ABAT: variants seen among roughly 807,000 people sequenced by gnomAD.
The protein encoded by ABAT is 4-aminobutyrate aminotransferase, mitochondrial.
In ABAT, 45 loss-of-function variants were observed where a neutral mutation model predicts 64.6. The ratio of observed to expected loss-of-function variants is 0.70; its 90% CI spans 0.55 to 0.89. ABAT has a LOEUF of 0.89. ABAT is among the 40% of genes least tolerant of loss of function. The pLI, the probability that ABAT is intolerant of heterozygous loss-of-function variation, is 0.00. For missense variants in ABAT, 633 were observed against 658.4 expected, an observed-to-expected ratio of 0.96 and a Z score of 0.42; for synonymous variants, 297 against 250.5, an observed-to-expected ratio of 1.19 and a Z score of -1.75.
intron 1 of ABAT, among the ~76,000 whole-genome samples, chr16:8,699,907 G>C (rs1163373780): frequency 6.6e-6 from 1 of 152,066 alleles, no homozygotes; most frequent in Non-Finnish European, 1.5e-5. Flanking sequence ...TCGACCTCTT[G>C]GGCTCAGGTG....
At position 8,772,675 on chromosome 16, in the gene ABAT, A is replaced by G. The variant is rs939207779; in HGVS notation, c.817-105A>G. ...GGTCTTAGGAAATGCACACAAACAC[A>G]TTTCCAATAAAATTGCATGGGGCTC... On this transcript the variant is annotated intron_variant, in intron 11 of 15. Transcript: ENST00000268251. The G allele has an allele frequency of 5.4e-6, 8 of 1,490,230 alleles. No individual in the cohort carries two copies. The African/African-American group carries it at 1.1e-4, about 21-fold the overall frequency. The allele number at this position is 1,490,230 out of a possible 1,614,324, so 92.3% of individuals were successfully genotyped here.
intron 6 of ABAT, 125 bp from the exon 7 acceptor site, chr16:8,763,944 A>AC (rs1440676702): frequency 1.6e-5 from 13 of 802,668 alleles, no homozygotes; most frequent in Non-Finnish European, 2.6e-5. Flanking sequence ...CGCTGACAGA[A>AC]CGTCATCATC....
chr16:8,720,478 G>T (rs930206414), intron 1 of ABAT, among the ~76,000 whole-genome samples: 2 of 152,258 alleles, frequency 1.3e-5, no homozygotes, highest in Non-Finnish European at 2.9e-5. Flanking sequence ...CAGGTGATAG[G>T]AAGTCATGCC....
chr16:8,706,797 C>G (rs909220231), intron 1 of ABAT, among the ~76,000 whole-genome samples: 4 of 152,238 alleles, frequency 2.6e-5, no homozygotes, highest in African/African-American at 9.6e-5. Context: ...TAAGAAATTA[C>G]AGCAAGACAA....
intron 2 of ABAT, among the ~76,000 whole-genome samples, chr16:8,739,804 C>A (rs1438278013): frequency 6.6e-6 from 1 of 151,872 alleles, no homozygotes; most frequent in Non-Finnish European, 1.5e-5. Flanking sequence ...AGTTTCTTAC[C>A]TTTACCTCTT....
chr16:8,775,856 G>C (rs2060251886), intron 13 of ABAT, among the ~76,000 whole-genome samples: 2 of 152,206 alleles, frequency 1.3e-5, no homozygotes, highest in South Asian at 4.1e-4. Context: ...GGGTGTTTCA[G>C]TTAGCCGCAT....
intron 1 of ABAT, among the ~76,000 whole-genome samples, chr16:8,725,882 C>T (rs879385557): frequency 1.3e-5 from 2 of 152,178 alleles, no homozygotes; most frequent in African/African-American, 4.8e-5. Context: ...TCTTACTCCT[C>T]ATCAACTCCC....
At chr16:8,766,493 A>G (rs536990082) in intron 9 of ABAT, among the ~76,000 whole-genome samples, 2 of 152,038 alleles carry the variant, frequency 1.3e-5, no homozygotes, top group South Asian at 4.2e-4. Flanking sequence ...CATCTCTACT[A>G]AAAAGACAAA....
intron 1 of ABAT, among the ~76,000 whole-genome samples, chr16:8,729,773 G>A (rs2058664741): frequency 1.4e-5 from 2 of 147,484 alleles, no homozygotes; most frequent in Non-Finnish European, 3.0e-5. Flanking sequence ...GCTGCAGTGA[G>A]CAATGATCAC....
intron 6 of ABAT, among the ~76,000 whole-genome samples, chr16:8,763,486 A>G (rs1457182100): frequency 1.3e-5 from 2 of 152,240 alleles, no homozygotes; most frequent in African/African-American, 2.4e-5. Context: ...AGGGTGTCCT[A>G]TACAGTGATG....
chr16:8,745,518 G>A (rs547049158), intron 2 of ABAT, among the ~76,000 whole-genome samples: 10 of 151,960 alleles, frequency 6.6e-5, no homozygotes, highest in Middle Eastern at 3.4e-3. Flanking sequence ...GCAACATGGC[G>A]AAACCCCGTC....
rs190100095 is a variant in ABAT at position 8,675,092 on chromosome 16, C to A, written c.-42+381C>A. ...TAAGTTTGGGTGTCTTCCTTCTCCC[C>A]TCTCTTTCGGAATAATGGGGGTCTT... is the stretch of plus-strand genomic sequence containing the variant. On this transcript the variant is annotated intron_variant, in intron 1 of 15. Coordinates refer to ENST00000268251, the MANE Select transcript of ABAT (RefSeq NM_020686.6). 1.0e-3 allele frequency among the ~76,000 whole-genome samples: 152 copies of A among 152,238 alleles called. No individual in the cohort carries two copies. In the Middle Eastern group the frequency reaches 0.01, roughly 10 times the overall value.
At chr16:8,761,236 A>C (rs2059788187) in intron 6 of ABAT, among the ~76,000 whole-genome samples, 1 of 128,246 alleles carries the variant, frequency 7.8e-6, no homozygotes, top group Admixed American at 9.4e-5. Flanking sequence ...CTCGTCAGGG[A>C]CTGGTCCTAA....
intron 2 of ABAT, chr16:8,737,036 C>T (rs1440942922): frequency 6.6e-6 from 1 of 152,426 alleles, no homozygotes; most frequent in Admixed American, 6.5e-5. Context: ...TCATGGTGTC[C>T]CTTGTTGGCA....
At chr16:8,729,234 G>A (rs562209165) in intron 1 of ABAT, among the ~76,000 whole-genome samples, 1 of 152,172 alleles carries the variant, frequency 6.6e-6, no homozygotes, top group Non-Finnish European at 1.5e-5. Context: ...CCTGGGGGAG[G>A]CAGAGGTTGC....
chr16:8,722,061 T>C (rs2058387580), intron 1 of ABAT, among the ~76,000 whole-genome samples: 1 of 152,302 alleles, frequency 6.6e-6, no homozygotes, highest in East Asian at 1.9e-4. Context: ...GATTTAAATT[T>C]CTCTTTCAGT....
At chr16:8,746,257 A>G (rs1477395924) in intron 3 of ABAT, among the ~76,000 whole-genome samples, 159 bp downstream of exon 3, 1 of 152,128 alleles carries the variant, frequency 6.6e-6, no homozygotes, top group Non-Finnish European at 1.5e-5. Flanking sequence ...ATTTTGCCAT[A>G]CAAAGCCAAA....
At chr16:8,756,594 T>G (rs545935498) in intron 5 of ABAT, among the ~76,000 whole-genome samples, 37 of 152,320 alleles carry the variant, frequency 2.4e-4, no homozygotes, top group African/African-American at 8.4e-4. Context: ...AACCTGCTTC[T>G]TCTAGAGAGA....
chr16:8,770,239 G>C (rs949933767), intron 11 of ABAT, among the ~76,000 whole-genome samples: 1 of 152,012 alleles, frequency 6.6e-6, no homozygotes, highest in African/African-American at 2.4e-5. Flanking sequence ...CTGGGTTCAT[G>C]CCATTTTCCT....
Sources: allele counts gnomAD v4.1 joint callset (sites outside exome capture counted in the v4.1 genomes callset), GRCh38; gene constraint gnomAD v4.1.1; transcripts MANE v1.5; gene names NCBI Gene and HGNC (gene_info 2026-07-23, HGNC 2026-07-21).